IL18: variants seen among roughly 807,000 people sequenced by gnomAD.
The protein encoded by IL18 is interleukin 18, also known as interleukin-18.
Under a neutral mutation model 14.2 loss-of-function variants are expected in IL18, and 8 were observed. The observed-to-expected ratio is 0.56, with a 90% confidence interval of 0.33 to 1.01. The LOEUF is 1.01. IL18 is among the 50% of genes least tolerant of loss of function. IL18 has a pLI of 0.03. For synonymous variants in IL18, 67 were observed against 71.0 expected, an observed-to-expected ratio of 0.94 and a Z score of 0.28; for missense variants, 166 against 231.1, an observed-to-expected ratio of 0.72 and a Z score of 1.83.
intron 1 of IL18, among the ~76,000 whole-genome samples, chr11:112,160,474 T>A (rs1430752406): frequency 6.6e-6 from 1 of 152,138 alleles, no homozygotes; most frequent in African/African-American, 2.4e-5. Context: ...CTTAAATAGC[T>A]CTTACTACCC....
At chr11:112,163,640 T>A (rs910158823) in intron 1 of IL18, among the ~76,000 whole-genome samples, 9 of 152,274 alleles carry the variant, frequency 5.9e-5, no homozygotes, top group African/African-American at 1.9e-4. Flanking sequence ...TAATTAAAAA[T>A]GTTACTTATG....
At chr11:112,145,876 T>C (rs1866332882) in intron 5 of IL18, among the ~76,000 whole-genome samples, 1 of 152,170 alleles carries the variant, frequency 6.6e-6, no homozygotes, top group Admixed American at 6.5e-5. Flanking sequence ...CCTTGGGCAG[T>C]AGCTTTCCTA....
At chr11:112,153,678 CT>C in intron 2 of IL18, 75 bp from the exon 3 acceptor site, 1 of 1,090,340 alleles carries the variant, frequency 9.2e-7, no homozygotes, top group Non-Finnish European at 1.3e-6. Flanking sequence ...CTCATTCTAG[CT>C]TTTACTTTTG....
rs145639316 is a variant in IL18 at position 112,147,565 on chromosome 11, G to A, written c.360+1038C>T. 4.0e-3 allele frequency among the ~76,000 whole-genome samples: 606 copies of A among 152,288 alleles called. 7 individuals are homozygous for A. Among genetic ancestry groups the A allele is most frequent in the African/African-American group, 0.014 (588 of 41,558 alleles). ...ATTTTGATAACTAAGCTGCCTGTCA[G>A]GTCTAGAATGGGGACTCCAAATTGT... On this transcript the variant is annotated intron_variant, in intron 5 of 5. Transcript: ENST00000280357.
chr11:112,146,747 C>T (rs188395954), intron 5 of IL18, among the ~76,000 whole-genome samples: 1 of 150,188 alleles, frequency 6.7e-6, no homozygotes, highest in Non-Finnish European at 1.5e-5. Flanking sequence ...CTCACTCTCT[C>T]CCCCCCTCCA....
At chr11:112,148,495 T>C (rs1866379256) in intron 5 of IL18, 108 bp downstream of exon 5, 2 of 536,340 alleles carry the variant, frequency 3.7e-6, no homozygotes, top group South Asian at 4.9e-5. Flanking sequence ...CTGAGGATAT[T>C]TGAGTTTTCT....
chr11:112,159,588 C>T (rs1177664295), intron 1 of IL18, among the ~76,000 whole-genome samples: 1 of 152,020 alleles, frequency 6.6e-6, no homozygotes, highest in Non-Finnish European at 1.5e-5. Context: ...TTACCTCATT[C>T]ATTAAGAAAA....
intron 2 of IL18, among the ~76,000 whole-genome samples, chr11:112,153,862 T>G (rs1866488299): frequency 6.6e-6 from 1 of 152,174 alleles, no homozygotes; most frequent in Admixed American, 6.5e-5. Context: ...TTTCAATATG[T>G]AACTAAAAAT....
At chr11:112,162,140 G>C (rs1866642437) in intron 1 of IL18, among the ~76,000 whole-genome samples, 1 of 152,090 alleles carries the variant, frequency 6.6e-6, no homozygotes, top group African/African-American at 2.4e-5. Flanking sequence ...TTTTGAGTCT[G>C]TAGACTCAAA....
chr11:112,145,294 A>G (rs1866317045), intron 5 of IL18, among the ~76,000 whole-genome samples: 1 of 152,242 alleles, frequency 6.6e-6, no homozygotes, highest in Admixed American at 6.5e-5. Flanking sequence ...CCACTTCTGC[A>G]GCTGTCTACA....
intron 3 of IL18, among the ~76,000 whole-genome samples, chr11:112,151,870 T>C (rs1866444793): frequency 6.6e-6 from 1 of 152,254 alleles, no homozygotes; most frequent in Admixed American, 6.5e-5. Context: ...GTCTGCTCTC[T>C]GTTGTTTATT....
chr11:112,145,360 A>C (rs528180352), intron 5 of IL18, among the ~76,000 whole-genome samples: 3 of 152,364 alleles, frequency 2.0e-5, no homozygotes, highest in Non-Finnish European at 4.4e-5. Context: ...AACTAATCTG[A>C]AATCTAATGT....
chr11:112,155,960 C>G (rs908290283), intron 1 of IL18, among the ~76,000 whole-genome samples: 26 of 152,106 alleles, frequency 1.7e-4, no homozygotes, highest in African/African-American at 6.3e-4. Flanking sequence ...ATAGAAATAC[C>G]TATTTTCTGT....
At chr11:112,153,421 C>G (rs1303410418) in intron 3 of IL18, 171 bp downstream of exon 3, 1 of 436,816 alleles carries the variant, frequency 2.3e-6, no homozygotes, top group Non-Finnish European at 4.2e-6. Flanking sequence ...TTCTTTGTAT[C>G]TCTTATGATC....
intron 1 of IL18, among the ~76,000 whole-genome samples, chr11:112,157,908 A>G (rs1001397860): frequency 2.0e-5 from 3 of 152,224 alleles, no homozygotes; most frequent in African/African-American, 4.8e-5. Context: ...CCCAGGCTGG[A>G]GTGCAATGGC....
intron 1 of IL18, among the ~76,000 whole-genome samples, chr11:112,155,339 T>C (rs1592814605): frequency 6.6e-6 from 1 of 152,222 alleles, no homozygotes; most frequent in East Asian, 1.9e-4. Flanking sequence ...ATTATTCTAG[T>C]ATTCCTTGAG....
Position 112,143,605 on chromosome 11 carries a change from G to A in IL18, c.573C>T (p.Asn191=), listed in dbSNP as rs5744290. Residue 191 remains asparagine, a synonymous_variant, in exon 6 of 6, where the codon AAC becomes AAT. Coordinates refer to ENST00000280357, the MANE Select transcript of IL18 (RefSeq NM_001562.4). ...CATGAAATTTTAATAGCTAGTCTTC[G>A]TTTTGAACAGTGAACATTATAGATC... The part of the protein sequence containing the change: ...GDRSIMFTVQ[N]ED The A allele has an allele frequency of 0.016, 26,465 of 1,607,060 alleles. 248 individuals carry two copies. Among genetic ancestry groups the A allele is most frequent in the Non-Finnish European group, 0.02 (23,766 of 1,175,012 alleles).
Position 112,145,738 on chromosome 11 carries a change from C to CA in IL18, c.361-1922dup, listed in dbSNP as rs1211865660. ...TGGGCGACAGAGCGAGACTCCGTTT[C>CA]AAAAAAAAAGAAAAAAAGAAAAAAA... On this transcript the variant is annotated intron_variant, in intron 5 of 5. Transcript: ENST00000280357. 1.0e-3 allele frequency among the ~76,000 whole-genome samples: 147 copies of CA among 140,060 alleles called. 2 individuals are homozygous for CA. In the South Asian group the frequency reaches 0.013, roughly 12 times the overall value. 91.9% of individuals were successfully genotyped at this position (140,060 alleles called of 152,430 possible).
Position 112,143,520 on chromosome 11 carries a change from G to T in IL18, c.*76C>A. The T allele has an allele frequency of 1.1e-6, 1 of 908,696 alleles. No homozygotes were observed. The highest frequency in any genetic ancestry group is 1.5e-5 in the South Asian group (1 of 64,774). 56.3% of individuals were successfully genotyped at this position (908,696 alleles called of 1,614,324 possible). A position where few individuals can be genotyped will look rare whatever the true frequency, so the allele number is the denominator to read the frequency against. On this transcript the variant is annotated 3_prime_UTR_variant, in exon 6 of 6. Transcript: ENST00000280357. ...TGGTCTTGAACACCTGACCTCTGGT[G>T]ATCTGCCCGCCTCAGCCTCCCAAAG...
Sources: allele counts gnomAD v4.1 joint callset (sites outside exome capture counted in the v4.1 genomes callset), GRCh38; gene constraint gnomAD v4.1.1; transcripts MANE v1.5; gene names NCBI Gene and HGNC (gene_info 2026-07-23, HGNC 2026-07-21).